The following CNTN5 variants were observed in gnomAD, a reference collection of about 807,000 sequenced individuals.
CNTN5 encodes contactin 5.
CNTN5 carries 77 observed loss-of-function variants against 129.1 expected under a neutral mutation model. The observed-to-expected ratio is 0.60, with a 90% CI of 0.50 to 0.72. The LOEUF (loss-of-function observed/expected upper bound fraction) is 0.72, where lower values mean the gene tolerates loss of function less well. CNTN5 is among the 30% of genes least tolerant of loss of function. The pLI, the probability that CNTN5 is intolerant of heterozygous loss-of-function variation, is 0.00. For synonymous variants in CNTN5, 509 were observed against 465.6 expected (o/e 1.09, Z -1.20); for missense variants, 1,478 against 1,328.8 (o/e 1.11, Z -1.75).
intron 2 of CNTN5, among the ~76,000 whole-genome samples, chr11:99,334,242 A>C (rs965208568): frequency 6.6e-6 from 1 of 152,116 alleles, no homozygotes; most frequent in Admixed American, 6.6e-5. Flanking sequence ...AGAATGTGAG[A>C]AGATAGATGG....
At chr11:99,968,829 C>T (rs1333130751) in intron 8 of CNTN5, among the ~76,000 whole-genome samples, 2 of 151,540 alleles carry the variant, frequency 1.3e-5, no homozygotes, top group African/African-American at 2.4e-5. Context: ...CAGGAACACT[C>T]CTATTGGGAT....
chr11:100,284,489 TTCTC>T (rs1950722348), intron 18 of CNTN5, among the ~76,000 whole-genome samples: 1 of 152,214 alleles, frequency 6.6e-6, no homozygotes, highest in Non-Finnish European at 1.5e-5. Context: ...TGTAAATACT[TTCTC>T]TATTATTTAA....
intron 18 of CNTN5, among the ~76,000 whole-genome samples, chr11:100,288,902 C>T (rs1488479903): frequency 6.6e-6 from 1 of 151,792 alleles, no homozygotes; most frequent in Non-Finnish European, 1.5e-5. Context: ...ATCAAATAGA[C>T]ACAATAAAAA....
intron 4 of CNTN5, among the ~76,000 whole-genome samples, chr11:99,831,011 G>T (rs1947123201): frequency 6.6e-6 from 1 of 152,060 alleles, no homozygotes; most frequent in African/African-American, 2.4e-5. Flanking sequence ...GTGGATTTTG[G>T]ATTATAAATG....
chr11:100,212,886 A>C lies in CNTN5; in HGVS notation c.1885-11806A>C, dbSNP rs184192654. Among the ~76,000 whole-genome samples the C allele has an allele frequency of 3.8e-3, 577 of 152,186 alleles. 2 individuals are homozygous for C. The highest frequency in any genetic ancestry group is 3.9e-3 in the Non-Finnish European group (266 of 67,968). ...TCTAAAATCATATTTTTCTCTCATAAATATTGCAAACTTTCTTAATCTTGG... is the reference window on the plus strand; with the variant it reads ...TCTAAAATCATATTTTTCTCTCATACATATTGCAAACTTTCTTAATCTTGG... On this transcript the variant is annotated intron_variant, in intron 15 of 24. Transcript: ENST00000524871.
Position 99,404,047 on chromosome 11 carries a change from G to T in CNTN5, c.-71+78563G>T, listed in dbSNP as rs549076510. ...ATACCTGGGTGCTCTAGTATCGGGT[G>T]CATATATATTTAAAATTTTTATATC... On this transcript the variant is annotated intron_variant, in intron 2 of 24. Coordinates refer to ENST00000524871, the MANE Select transcript of CNTN5 (RefSeq NM_014361.4). Among the ~76,000 whole-genome samples the T allele has an allele frequency of 2.6e-3, 389 of 152,112 alleles. 1 individual carries two copies. The highest frequency in any genetic ancestry group is 8.9e-3 in the African/African-American group (369 of 41,510).
intron 2 of CNTN5, among the ~76,000 whole-genome samples, chr11:99,338,135 A>G (rs1866320974): frequency 1.3e-5 from 2 of 152,168 alleles, no homozygotes; most frequent in Admixed American, 6.5e-5. Flanking sequence ...TTAATTTTAT[A>G]CTGTTATGAA....
chr11:99,789,914 CTT>C (rs750505039), intron 3 of CNTN5, among the ~76,000 whole-genome samples: 2 of 152,020 alleles, frequency 1.3e-5, no homozygotes, highest in Non-Finnish European at 2.9e-5. Context: ...TTTTTCAACT[CTT>C]TCTCTATCTC....
At chr11:99,454,566 A>G (rs1477175926) in intron 2 of CNTN5, among the ~76,000 whole-genome samples, 3 of 152,102 alleles carry the variant, frequency 2.0e-5, no homozygotes, top group Non-Finnish European at 4.4e-5. Context: ...TCAGTAGTCC[A>G]ACGCTTTACC....
chr11:99,452,368 A>T (rs1242592176), intron 2 of CNTN5, among the ~76,000 whole-genome samples: 2 of 97,070 alleles, frequency 2.1e-5, no homozygotes, highest in Non-Finnish European at 2.1e-5. Flanking sequence ...ATCTAAACAC[A>T]GGTGTTTTTT....
chr11:99,613,754 G>C (rs1158564454), intron 3 of CNTN5, among the ~76,000 whole-genome samples: 1 of 152,108 alleles, frequency 6.6e-6, no homozygotes, highest in Non-Finnish European at 1.5e-5. Flanking sequence ...ATAGATACTT[G>C]CATTTGTGAT....
chr11:99,615,272 T>C (rs1322949899), intron 3 of CNTN5, among the ~76,000 whole-genome samples: 1 of 152,004 alleles, frequency 6.6e-6, no homozygotes, highest in Non-Finnish European at 1.5e-5. Flanking sequence ...GCTCTAATTG[T>C]ACTTTTGGCT....
chr11:99,053,046 C>A (rs1012046451), intron 1 of CNTN5, among the ~76,000 whole-genome samples: 6 of 151,796 alleles, frequency 4.0e-5, no homozygotes, highest in African/African-American at 1.4e-4. Context: ...CTCTATGACC[C>A]CACCTCTACT....
At chr11:99,448,799 A>G (rs1426238482) in intron 2 of CNTN5, among the ~76,000 whole-genome samples, 1 of 105,346 alleles carries the variant, frequency 9.5e-6, no homozygotes, top group Non-Finnish European at 1.9e-5. Flanking sequence ...TATTTTTGAG[A>G]CAGGGTCATC....
intron 3 of CNTN5, among the ~76,000 whole-genome samples, chr11:99,620,034 A>AAAAAAAAACCAAAAAGAAAAAAG (rs1269909898): frequency 6.6e-6 from 1 of 151,552 alleles, no homozygotes; most frequent in South Asian, 2.1e-4. Flanking sequence ...TCAAAAAAAA[A>AAAAAAAAACCAAAAAGAAAAAAG]AAACAAAAAA....
chr11:99,518,324 A>T (rs1435038366), intron 2 of CNTN5, among the ~76,000 whole-genome samples: 1 of 152,118 alleles, frequency 6.6e-6, no homozygotes, highest in Non-Finnish European at 1.5e-5. Flanking sequence ...TATTCAAAGG[A>T]CTTTAGCTGG....
At chr11:99,116,101 T>C (rs756031791) in intron 1 of CNTN5, among the ~76,000 whole-genome samples, 2 of 152,346 alleles carry the variant, frequency 1.3e-5, no homozygotes, top group Non-Finnish European at 1.5e-5. Context: ...TAGAATGAGG[T>C]TGCATTCATT....
At chr11:99,859,813 A>C (rs140371482) in intron 6 of CNTN5, among the ~76,000 whole-genome samples, 1 of 152,190 alleles carries the variant, frequency 6.6e-6, no homozygotes, top group East Asian at 1.9e-4. Context: ...TGAACATGTG[A>C]GTGCATGGGT....
chr11:99,728,777 G>C (rs1349094025), intron 3 of CNTN5, among the ~76,000 whole-genome samples: 6 of 152,152 alleles, frequency 3.9e-5, no homozygotes, highest in African/African-American at 1.2e-4. Flanking sequence ...CAAAAAGTCT[G>C]AGGTCTGAGG....
Sources: gnomAD v4.1 joint callset for allele counts (sites outside exome capture counted in the v4.1 genomes callset) on GRCh38, gnomAD v4.1.1 for gene constraint, MANE v1.5 for transcripts, NCBI Gene and HGNC (gene_info 2026-07-23, HGNC 2026-07-21) for gene names.